Variants in FAM114A1 observed in about 807,000 individuals in gnomAD.
FAM114A1 encodes the protein family with sequence similarity 114 member A1.
FAM114A1 carries 62 observed loss-of-function variants against 64.3 expected under a neutral mutation model. The observed-to-expected ratio is 0.96, with a 90% CI of 0.79 to 1.19. The LOEUF is 1.19. Ranked by LOEUF, FAM114A1 falls within the 50% of genes most tolerant of loss-of-function variation. FAM114A1 has a pLI of 0.00. For missense variants in FAM114A1, 645 were observed against 676.3 expected (o/e 0.95, Z 0.51); for synonymous variants, 254 against 251.1 (o/e 1.01, Z -0.11).
chr4:38,869,725 T>G (rs543400498), intron 2 of FAM114A1, among the ~76,000 whole-genome samples: 22 of 152,058 alleles, frequency 1.4e-4, no homozygotes, highest in East Asian at 1.3e-3. Flanking sequence ...TTTTGTTTTT[T>G]TTTTTTAACT....
Position 38,932,322 on chromosome 4 carries a change from C to T in FAM114A1, c.1411C>T (p.His471Tyr). 4 of 1,613,280 alleles carry T rather than the reference C, an allele frequency of 2.5e-6. No homozygotes were observed. In the Admixed American group the frequency reaches 6.7e-5, roughly 27 times the overall value. ...QLHKVAELIL[H>Y]GQEEEKPAQD... ...TCATAAAGTAGCAGAATTAATTCTTCATGGACAAGAAGAGGAAAAACCAGC... is the reference window on the plus strand; with the variant it reads ...TCATAAAGTAGCAGAATTAATTCTTTATGGACAAGAAGAGGAAAAACCAGC... Residue 471 changes from histidine to tyrosine, a missense_variant, in exon 12 of 15, where the codon CAT (histidine) becomes TAT (tyrosine). Coordinates refer to ENST00000358869, the MANE Select transcript of FAM114A1 (RefSeq NM_138389.4).
Position 38,940,919 on chromosome 4 carries a change from T to G in FAM114A1, c.1537-49T>G, listed in dbSNP as rs746269933. ...TGTATTACATTTTACGTGGCAAGCC[T>G]TGTAGTATGAGCACCTAATCTGTCA... On this transcript the variant is annotated intron_variant, in intron 13 of 14. Coordinates refer to ENST00000358869, the MANE Select transcript of FAM114A1 (RefSeq NM_138389.4). 4 of 1,590,582 alleles carry G rather than the reference T, an allele frequency of 2.5e-6. No homozygotes were observed. The African/African-American group carries it at 4.0e-5, about 16-fold the overall frequency.
At chr4:38,898,455 T>C (rs1394939399) in intron 4 of FAM114A1, among the ~76,000 whole-genome samples, 1 of 152,204 alleles carries the variant, frequency 6.6e-6, no homozygotes, top group Non-Finnish European at 1.5e-5. Context: ...ATCATCACCG[T>C]ATAAATCACT....
chr4:38,897,727 G>A (rs777759284), intron 4 of FAM114A1, among the ~76,000 whole-genome samples: 2 of 151,964 alleles, frequency 1.3e-5, no homozygotes, highest in African/African-American at 4.8e-5. Context: ...TCAACTTGAG[G>A]TCAGGAGTTC....
In FAM114A1 at chr4:38,871,604, G is replaced by A. The variant is rs181215939; in HGVS notation, c.-9+3058G>A. On this transcript the variant is annotated intron_variant, in intron 2 of 14. Transcript: ENST00000358869. Reference sequence around the variant, plus strand: ...AAGGGATGGTTTGTGTTGGTTGAATGCAGAACAGCCACAGAGAGGAGTTTT... The same window carrying A: ...AAGGGATGGTTTGTGTTGGTTGAATACAGAACAGCCACAGAGAGGAGTTTT... Among the ~76,000 whole-genome samples the A allele has an allele frequency of 1.0e-3, 157 of 152,270 alleles. 1 individual carries two copies. The highest frequency in any genetic ancestry group is 3.5e-3 in the African/African-American group (144 of 41,562).
intron 2 of FAM114A1, among the ~76,000 whole-genome samples, chr4:38,875,316 T>C (rs1346407824): frequency 6.6e-6 from 1 of 152,176 alleles, no homozygotes; most frequent in East Asian, 1.9e-4. Context: ...GCATGGAAAA[T>C]TTTTCCATTT....
In FAM114A1 at chr4:38,903,723, C is replaced by T. The variant is rs373555357; in HGVS notation, c.437-1799C>T. Among the ~76,000 whole-genome samples, 6 of 152,174 alleles carry T rather than the reference C, an allele frequency of 3.9e-5. No individual in the cohort carries two copies. The East Asian group carries it at 5.8e-4, about 15-fold the overall frequency. On this transcript the variant is annotated intron_variant, in intron 4 of 14. Coordinates refer to ENST00000358869, the MANE Select transcript of FAM114A1 (RefSeq NM_138389.4). ...GATAATTAATTCAAGCCTTAACAGT[C>T]GCAATACACCTTTATTTTTTCAAGT...
At chr4:38,928,575 A>G (rs1441185667) in intron 9 of FAM114A1, among the ~76,000 whole-genome samples, 1 of 152,120 alleles carries the variant, frequency 6.6e-6, no homozygotes, top group Non-Finnish European at 1.5e-5. Flanking sequence ...AGCACCTATG[A>G]TATGTGAGGT....
In FAM114A1 at chr4:38,878,317, C is replaced by T. The variant is rs763531618; in HGVS notation, c.239C>T (p.Pro80Leu). 4 of 1,614,250 alleles carry T rather than the reference C, an allele frequency of 2.5e-6. No individual in the cohort carries two copies. The highest frequency in any genetic ancestry group is 3.4e-6 in the Non-Finnish European group (4 of 1,180,046). ...CCTCAGGATGCCAACGCCCTGGAGCCCCCTCTCAATGGAGACGTGACTGAG... is the reference window on the plus strand; with the variant it reads ...CCTCAGGATGCCAACGCCCTGGAGCTCCCTCTCAATGGAGACGTGACTGAG... ...VQPQDANALE[P>L]PLNGDVTEDT... The change falls in exon 3 of 15, where the codon CCC (proline) becomes CTC (leucine). Residue 80 changes from proline (P) to leucine (L), a missense_variant. By Grantham distance (98) the Pro-to-Leu change is moderately conservative (BLOSUM62 -3). Transcript: ENST00000358869.
intron 4 of FAM114A1, among the ~76,000 whole-genome samples, chr4:38,894,738 A>G (rs1314493763): frequency 2.0e-5 from 3 of 152,232 alleles, no homozygotes; most frequent in Non-Finnish European, 4.4e-5. Flanking sequence ...ACATTTGCAC[A>G]TTCCTCATGC....
chr4:38,906,335 C>G (rs998035809), intron 6 of FAM114A1, among the ~76,000 whole-genome samples: 17 of 152,034 alleles, frequency 1.1e-4, no homozygotes, highest in African/African-American at 4.1e-4. Flanking sequence ...CGTTCTTCCC[C>G]CATCCCTACC....
chr4:38,917,823 C>T (rs1719219816), intron 8 of FAM114A1, among the ~76,000 whole-genome samples: 1 of 152,174 alleles, frequency 6.6e-6, no homozygotes. Flanking sequence ...TCCACAAGCT[C>T]TGCTTTCTTT....
At chr4:38,896,270 C>G (rs112491397) in intron 4 of FAM114A1, among the ~76,000 whole-genome samples, 1 of 152,128 alleles carries the variant, frequency 6.6e-6, no homozygotes, top group Admixed American at 6.6e-5. Context: ...CCTCCTCCCC[C>G]CAAAATGAAT....
At chr4:38,922,378 G>A (rs1044098520) in intron 8 of FAM114A1, among the ~76,000 whole-genome samples, 14 of 152,312 alleles carry the variant, frequency 9.2e-5, no homozygotes, top group Non-Finnish European at 1.3e-4. Context: ...GCATTAAAAG[G>A]TTAAATAAGT....
chr4:38,877,691 G>A (rs6822313), intron 2 of FAM114A1, among the ~76,000 whole-genome samples: 41,846 of 152,044 alleles, frequency 0.28, 6,130 homozygotes, highest in African/African-American at 0.31. Flanking sequence ...CTGGCCGGGC[G>A]CGGTGGCTCA....
intron 3 of FAM114A1, among the ~76,000 whole-genome samples, chr4:38,887,175 T>C (rs1161420800): frequency 1.3e-5 from 2 of 152,320 alleles, no homozygotes; most frequent in East Asian, 3.9e-4. Context: ...GTATATTTTG[T>C]GCATAAAAAG....
chr4:38,939,449 T>G (rs1423356784), intron 13 of FAM114A1, among the ~76,000 whole-genome samples: 1 of 152,232 alleles, frequency 6.6e-6, no homozygotes, highest in African/African-American at 2.4e-5. Flanking sequence ...TCATTGATTC[T>G]GAAAACCAAT....
intron 9 of FAM114A1, among the ~76,000 whole-genome samples, chr4:38,924,685 G>A (rs1225944027): frequency 6.6e-6 from 1 of 152,180 alleles, no homozygotes; most frequent in African/African-American, 2.4e-5. Context: ...GCATTAGTAT[G>A]TTCCTCCCGG....
chr4:38,919,529 C>A (rs1719389856), intron 8 of FAM114A1, among the ~76,000 whole-genome samples: 1 of 152,124 alleles, frequency 6.6e-6, no homozygotes, highest in Non-Finnish European at 1.5e-5. Context: ...TGAGAGGGAC[C>A]CTTTGGTGAC....
Sources: gnomAD v4.1 joint callset for allele counts (sites outside exome capture counted in the v4.1 genomes callset) on GRCh38, gnomAD v4.1.1 for gene constraint, MANE v1.5 for transcripts, NCBI Gene and HGNC (gene_info 2026-07-23, HGNC 2026-07-21) for gene names.